Variants in TMED3 observed in about 807,000 individuals in gnomAD.
The protein encoded by TMED3 is transmembrane p24 trafficking protein 3, also known as transmembrane emp24 domain-containing protein 3.
A neutral mutation model predicts 15.0 loss-of-function variants in TMED3; 9 were observed. That is an observed-to-expected ratio of 0.60 (90% CI 0.36 to 1.04). The LOEUF is 1.04. Among genes scored for constraint, TMED3 ranks in the 50% least tolerant of loss-of-function variants. The probability of loss-of-function intolerance (pLI) is 0.01; values close to 1 mark genes in which losing one functional copy is unlikely to be tolerated. For missense variants in TMED3, 267 were observed against 278.9 expected (o/e 0.96, Z 0.30); for synonymous variants, 117 against 121.4 (o/e 0.96, Z 0.24).
At chr15:79,358,158 C>T (rs1893049687) in intron 2 of TMED3, among the ~76,000 whole-genome samples, 1 of 152,132 alleles carries the variant, frequency 6.6e-6, no homozygotes, top group Non-Finnish European at 1.5e-5. Flanking sequence ...CATCAGAGGC[C>T]CAAGGCACTG....
In TMED3 at chr15:79,313,970, C is replaced by T; in HGVS notation, c.382C>T (p.Pro128Ser). ...AGTGGGCGATGAGCCTCCCATTCTC[C>T]CAGACATGGGGAACAGGGTCACAGC... ...FQVGDEPPILPDMGNRVTALT... is the reference protein window; with the variant it reads ...FQVGDEPPILSDMGNRVTALT... The change falls in exon 2 of 3, where the codon CCA (proline) becomes TCA (serine). Residue 128 changes from proline (P) to serine (S), a missense_variant. Physicochemically the swap from Pro to Ser is moderately conservative, Grantham distance 74. Around this residue, in one of 3 missense-constraint regions of TMED3, gnomAD observed 139 missense variants for 125.0 expected, o/e 1.11. Coordinates refer to ENST00000299705, the MANE Select transcript of TMED3 (RefSeq NM_007364.4). The T allele has an allele frequency of 6.2e-7, 1 of 1,614,126 alleles. No individual in the cohort carries two copies. Among genetic ancestry groups the T allele is most frequent in the Non-Finnish European group, 8.5e-7 (1 of 1,179,982 alleles).
intron 2 of TMED3, 78 bp downstream of exon 2, chr15:79,314,083 G>A (rs1295796548): frequency 6.4e-7 from 1 of 1,556,180 alleles, no homozygotes; most frequent in Non-Finnish European, 8.7e-7. Flanking sequence ...TAGGCTGGTG[G>A]TGGGAGTCAT....
chr15:79,353,322 A>G (rs1161526037), intron 2 of TMED3, among the ~76,000 whole-genome samples: 1 of 89,038 alleles, frequency 1.1e-5, no homozygotes, highest in Non-Finnish European at 2.0e-5. Context: ...TATATAATAT[A>G]TATAATATAT....
downstream of TMED3, chr15:79,322,936 G>T: frequency 1.0e-6 from 1 of 976,944 alleles, no homozygotes; most frequent in Non-Finnish European, 1.2e-6. Flanking sequence ...GTGACATAGA[G>T]TACCTAGAGA....
At chr15:79,390,310 T>C (rs1417379386) in intron 2 of TMED3, among the ~76,000 whole-genome samples, 1 of 152,198 alleles carries the variant, frequency 6.6e-6, no homozygotes, top group Non-Finnish European at 1.5e-5. Flanking sequence ...CAATGATGGA[T>C]TTTGTCAAAT....
intron 2 of TMED3, among the ~76,000 whole-genome samples, chr15:79,319,638 G>A (rs149505024): frequency 1.1e-3 from 165 of 152,246 alleles, no homozygotes; most frequent in Admixed American, 2.4e-3. Context: ...CCACCAAGAC[G>A]CAGAGACTGG....
intron 2 of TMED3, among the ~76,000 whole-genome samples, chr15:79,402,210 C>A (rs1893842747): frequency 6.6e-6 from 1 of 152,124 alleles, no homozygotes; most frequent in African/African-American, 2.4e-5. Flanking sequence ...AGAGAATGTG[C>A]CCCATAGATG....
At chr15:79,363,707 C>A (rs1893175441) in intron 2 of TMED3, among the ~76,000 whole-genome samples, 1 of 152,170 alleles carries the variant, frequency 6.6e-6, no homozygotes, top group South Asian at 2.1e-4. Flanking sequence ...TTAATTTTCT[C>A]CAGTTTTAAC....
At chr15:79,409,713 G>T (rs184596517) in intron 2 of TMED3, among the ~76,000 whole-genome samples, 17 of 152,226 alleles carry the variant, frequency 1.1e-4, no homozygotes, top group African/African-American at 4.1e-4. Flanking sequence ...GTTTTGGTTC[G>T]TATTGTAAGA....
At chr15:79,313,473 A>G (rs1056874126) in intron 1 of TMED3, among the ~76,000 whole-genome samples, 1 of 152,208 alleles carries the variant, frequency 6.6e-6, no homozygotes, top group African/African-American at 2.4e-5. Context: ...CTTCTTCTGT[A>G]AAATGGAAAG....
intron 2 of TMED3, among the ~76,000 whole-genome samples, chr15:79,393,226 G>A (rs1489710910): frequency 6.6e-6 from 1 of 152,186 alleles, no homozygotes; most frequent in African/African-American, 2.4e-5. Flanking sequence ...GGAACTGGAA[G>A]CTATTAGTAT....
chr15:79,380,180 G>A (rs1893496677), intron 2 of TMED3, among the ~76,000 whole-genome samples: 1 of 151,904 alleles, frequency 6.6e-6, no homozygotes, highest in Non-Finnish European at 1.5e-5. Context: ...GTGAAAACCT[G>A]TCTGTACTAA....
chr15:79,362,029 T>C (rs1032283127), intron 2 of TMED3, among the ~76,000 whole-genome samples: 1 of 152,188 alleles, frequency 6.6e-6, no homozygotes, highest in African/African-American at 2.4e-5. Flanking sequence ...TCATGAACTA[T>C]GACTTGAAAG....
chr15:79,350,799 G>A (rs1034330426), intron 2 of TMED3, among the ~76,000 whole-genome samples: 1 of 152,176 alleles, frequency 6.6e-6, no homozygotes, highest in African/African-American at 2.4e-5. Flanking sequence ...CTGAGGGAGA[G>A]CATGGCTGGC....
intron 2 of TMED3, among the ~76,000 whole-genome samples, chr15:79,356,080 G>C (rs1444808574): frequency 1.3e-5 from 2 of 152,078 alleles, no homozygotes; most frequent in African/African-American, 2.4e-5. Flanking sequence ...CTGATTGTCT[G>C]TTTGCCCAGC....
At chr15:79,334,121 A>C (rs946958967) in intron 2 of TMED3, among the ~76,000 whole-genome samples, 1 of 152,198 alleles carries the variant, frequency 6.6e-6, no homozygotes, top group Non-Finnish European at 1.5e-5. Context: ...TCTGAAGTAA[A>C]AAGGAAGATC....
At chr15:79,394,053 G>A (rs922090131) in intron 2 of TMED3, among the ~76,000 whole-genome samples, 1 of 152,096 alleles carries the variant, frequency 6.6e-6, no homozygotes, top group Admixed American at 6.6e-5. Flanking sequence ...ATGGATGTAG[G>A]CCTCATTCTG....
At chr15:79,335,596 C>T (rs2058824288) in intron 2 of TMED3, among the ~76,000 whole-genome samples, 1 of 152,248 alleles carries the variant, frequency 6.6e-6, no homozygotes, top group African/African-American at 2.4e-5. Flanking sequence ...AGGAAAAACT[C>T]TACTGAGTAA....
chr15:79,349,713 C>G (rs1184768434), intron 2 of TMED3, among the ~76,000 whole-genome samples: 1 of 152,170 alleles, frequency 6.6e-6, no homozygotes, highest in Non-Finnish European at 1.5e-5. Flanking sequence ...AGCTGCCTCC[C>G]TGCTCCAGCC....
Sources: allele counts gnomAD v4.1 joint callset (sites outside exome capture counted in the v4.1 genomes callset), GRCh38; gene constraint gnomAD v4.1.1; regional missense constraint gnomAD v4.1.1; transcripts MANE v1.5; gene names NCBI Gene and HGNC (gene_info 2026-07-23, HGNC 2026-07-21).